KLHL28: variants seen among roughly 807,000 people sequenced by gnomAD.
The protein encoded by KLHL28 is kelch-like protein 28.
KLHL28 carries 22 observed loss-of-function variants against 48.3 expected under a neutral mutation model. That is an observed-to-expected ratio of 0.46 (90% CI 0.33 to 0.65). KLHL28 has a LOEUF of 0.65. Ranked by LOEUF, KLHL28 falls within the 30% of genes least tolerant of loss-of-function variation. The pLI is 0.03. For missense variants in KLHL28, 527 were observed against 704.3 expected (o/e 0.75, Z 2.85); for synonymous variants, 243 against 242.4 (o/e 1.00, Z -0.02).
rs541537263 is a variant in KLHL28, at chr14:44,937,502, T to C, written c.900-2944A>G. On this transcript the variant is annotated intron_variant, in intron 2 of 4. Coordinates refer to ENST00000396128, the MANE Select transcript of KLHL28 (RefSeq NM_017658.5). ...GTCAGAGAATTGGAAAATTGGTTGGTATGAGAGTAAGACTTCTCAGTGATA... is the reference window on the plus strand; with the variant it reads ...GTCAGAGAATTGGAAAATTGGTTGGCATGAGAGTAAGACTTCTCAGTGATA... Among the ~76,000 whole-genome samples the C allele has an allele frequency of 1.2e-4, 19 of 152,286 alleles. 3 individuals carry two copies. The highest frequency in any genetic ancestry group is 3.8e-4 in the African/African-American group (16 of 41,562).
chr14:44,946,272 T>G lies in KLHL28; in HGVS notation c.1-344A>C, dbSNP rs146938471. ...ATTAAATTCAAGTCTGAGCTATCAC[T>G]GAAATAAAATGAAAATATGAGGGGA... On this transcript the variant is annotated intron_variant, in intron 1 of 4. Transcript: ENST00000396128. 6.0e-4 allele frequency among the ~76,000 whole-genome samples: 91 copies of G among 152,260 alleles called. 4 individuals carry two copies. The East Asian group carries it at 0.012, about 21-fold the overall frequency.
intron 4 of KLHL28, among the ~76,000 whole-genome samples, chr14:44,929,470 G>A (rs962689289): frequency 2.6e-5 from 4 of 152,034 alleles, no homozygotes; most frequent in South Asian, 4.1e-4. Context: ...ACAATATATT[G>A]TTACAATTGT....
intron 1 of KLHL28, among the ~76,000 whole-genome samples, chr14:44,955,684 G>T (rs1217357228): frequency 6.6e-6 from 1 of 152,182 alleles, no homozygotes; most frequent in Non-Finnish European, 1.5e-5. Context: ...TACTTGGGGG[G>T]CTGAGCTAGG....
intron 1 of KLHL28, among the ~76,000 whole-genome samples, chr14:44,953,233 C>T (rs1051088906): frequency 2.0e-5 from 3 of 152,000 alleles, no homozygotes; most frequent in Admixed American, 6.5e-5. Flanking sequence ...GTTGAGATAA[C>T]GGAATAGCCA....
At chr14:44,943,717 CTTTT>C (rs112454594) in intron 2 of KLHL28, among the ~76,000 whole-genome samples, 1 of 141,292 alleles carries the variant, frequency 7.1e-6, no homozygotes. Context: ...TATTATCGGA[CTTTT>C]TTTTTTTTTT....
At chr14:44,939,212 T>A (rs1883969651) in intron 2 of KLHL28, among the ~76,000 whole-genome samples, 1 of 152,126 alleles carries the variant, frequency 6.6e-6, no homozygotes, top group Admixed American at 6.5e-5. Context: ...GCAGTGAGCA[T>A]GTGGAGGGTG....
chr14:44,954,023 C>G (rs1884695239), intron 1 of KLHL28, among the ~76,000 whole-genome samples: 1 of 152,002 alleles, frequency 6.6e-6, no homozygotes, highest in South Asian at 2.1e-4. Context: ...AAGAAATGAA[C>G]AGATGTTTGT....
At chr14:44,935,888 G>A (rs371933146) in intron 2 of KLHL28, among the ~76,000 whole-genome samples, 643 of 3,762 alleles carry the variant, frequency 0.17, 4 homozygotes, top group Middle Eastern at 0.33. Context: ...ATATATATGT[G>A]TGTATATATA....
At chr14:44,959,529 T>C (rs1265134325) in intron 1 of KLHL28, 1 of 152,070 alleles carries the variant, frequency 6.6e-6, no homozygotes, top group African/African-American at 2.4e-5. Flanking sequence ...AAAATTTGAG[T>C]AAGAACACAG....
chr14:44,947,291 G>T (rs540240453), intron 1 of KLHL28, among the ~76,000 whole-genome samples: 1 of 152,296 alleles, frequency 6.6e-6, no homozygotes, highest in East Asian at 1.9e-4. Context: ...GAAGAGCCAA[G>T]AACAGATTCT....
At chr14:44,946,686 G>A (rs891100295) in intron 1 of KLHL28, among the ~76,000 whole-genome samples, 10 of 151,614 alleles carry the variant, frequency 6.6e-5, no homozygotes, top group Admixed American at 2.0e-4. Flanking sequence ...CTCCCAAGTA[G>A]CTGGGATTAC....
At chr14:44,939,697 A>C (rs990266116) in intron 2 of KLHL28, among the ~76,000 whole-genome samples, 2 of 152,168 alleles carry the variant, frequency 1.3e-5, no homozygotes, top group East Asian at 1.9e-4. Context: ...TTTACTGTGC[A>C]CATTTCTATC....
intron 1 of KLHL28, among the ~76,000 whole-genome samples, chr14:44,952,605 C>T (rs1362441136): frequency 2.0e-5 from 3 of 152,256 alleles, no homozygotes; most frequent in Admixed American, 2.0e-4. Context: ...ATGATCATGG[C>T]ACAATGCAAC....
In KLHL28 at chr14:44,939,140, T is replaced by G. The variant is rs140536679; in HGVS notation, c.900-4582A>C. 3.0e-4 allele frequency among the ~76,000 whole-genome samples: 45 copies of G among 152,302 alleles called. No homozygotes were observed. In the East Asian group the frequency reaches 8.5e-3, roughly 29 times the overall value. On this transcript the variant is annotated intron_variant, in intron 2 of 4. Coordinates refer to ENST00000396128, the MANE Select transcript of KLHL28 (RefSeq NM_017658.5). ...CAGCCTGAGCCACATCTGGGCCTATTTGAGCCACAGCTGGGGAAGCTACAC... is the reference window on the plus strand; with the variant it reads ...CAGCCTGAGCCACATCTGGGCCTATGTGAGCCACAGCTGGGGAAGCTACAC...
At chr14:44,933,669 C>A (rs561558365) in intron 3 of KLHL28, among the ~76,000 whole-genome samples, 2 of 152,134 alleles carry the variant, frequency 1.3e-5, no homozygotes, top group African/African-American at 4.8e-5. Flanking sequence ...TGTATGATTA[C>A]AGGAAAGAAT....
rs985456794 is a variant in KLHL28 at position 44,931,354 on chromosome 14, G to A, written c.1531C>T (p.Pro511Ser). ...PHQNQWTVCR[P>S]MKEPRTGVGA... ...TTACCTGTTCTAGGTTCTTTCATTG[G>A]TCTACACACAGTCCACTGATTTTGA... Residue 511 changes from proline (P) to serine (S), a missense_variant, in exon 4 of 5, where the codon CCA becomes TCA. By Grantham distance (74) the Pro-to-Ser change is moderately conservative (BLOSUM62 -1). Coordinates refer to ENST00000396128, the MANE Select transcript of KLHL28 (RefSeq NM_017658.5). 1.2e-5 allele frequency: 20 copies of A among 1,612,536 alleles called. No individual in the cohort carries two copies. Among genetic ancestry groups the A allele is most frequent in the Non-Finnish European group, 1.6e-5 (19 of 1,178,930 alleles).
rs142116819 is a variant in KLHL28, at chr14:44,934,476, C to T, written c.982G>A (p.Val328Ile). 5.7e-4 allele frequency: 924 copies of T among 1,613,858 alleles called. No individual in the cohort carries two copies. Among genetic ancestry groups the T allele is most frequent in the Non-Finnish European group, 7.2e-4 (852 of 1,179,888 alleles). ...NIPRYEFGIC[V>I]LDQKVYVIGG... ...ATAACATATACTTTTTGGTCTAAAA[C>T]GCATATTCCAAATTCATAGCGAGGA... Residue 328 changes from valine to isoleucine, a missense_variant, in exon 3 of 5, where the codon GTT becomes ATT. Val to Ile is a conservative substitution (Grantham distance 29). Transcript: ENST00000396128.
intron 1 of KLHL28, among the ~76,000 whole-genome samples, chr14:44,955,238 ATAAT>A (rs1379615016): frequency 6.6e-6 from 1 of 151,438 alleles, no homozygotes; most frequent in Non-Finnish European, 1.5e-5. Context: ...ATACTAATAC[ATAAT>A]TTATATATAA....
At chr14:44,933,094 TATA>T (rs764773951) in intron 3 of KLHL28, among the ~76,000 whole-genome samples, 8 of 152,208 alleles carry the variant, frequency 5.3e-5, no homozygotes, top group African/African-American at 9.6e-5. Flanking sequence ...CTAGATTACT[TATA>T]ATACTATGCA....
Sources: gnomAD v4.1 joint callset for allele counts (sites outside exome capture counted in the v4.1 genomes callset) on GRCh38, gnomAD v4.1.1 for gene constraint, MANE v1.5 for transcripts, NCBI Gene and HGNC (gene_info 2026-07-23, HGNC 2026-07-21) for gene names.